The following NLRP7 variants were observed in gnomAD, a reference collection of about 807,000 sequenced individuals.
NLRP7 encodes NACHT, LRR and PYD domains-containing protein 7.
NLRP7 carries 72 observed loss-of-function variants against 85.5 expected under a neutral mutation model. That is an observed-to-expected ratio of 0.84 (90% CI 0.70 to 1.02). NLRP7 has a LOEUF of 1.02. NLRP7 is among the 50% of genes least tolerant of loss of function. The pLI, the probability that NLRP7 is intolerant of heterozygous loss-of-function variation, is 0.00. For synonymous variants in NLRP7, 550 were observed against 505.2 expected (o/e 1.09, Z -1.19); for missense variants, 1,243 against 1,219.5 (o/e 1.02, Z -0.29).
rs8106278 is a variant in NLRP7, at chr19:54,940,682, G to C, written c.353-216C>G. Among the ~76,000 whole-genome samples, 8,127 of 151,884 alleles carry C rather than the reference G, an allele frequency of 0.054. 337 individuals are homozygous for C. The highest frequency in any genetic ancestry group is 0.11 in the African/African-American group (4,657 of 41,396). ...TCTCTACTAAAAATACAAAACATTA[G>C]CTGGGGGTAGTGGCGGCCGCCTGTA... On this transcript the variant is annotated intron_variant, in intron 3 of 9. Coordinates refer to ENST00000340844, the Ensembl canonical transcript of NLRP7.
exon 4 of NLRP7, chr19:54,939,618 G>A (rs759172146): frequency 1.2e-6 from 2 of 1,610,874 alleles, no homozygotes; most frequent in South Asian, 1.1e-5. Flanking sequence ...TGCGGGAACC[G>A]GCTGCAGAGG....
chr19:54,933,797 G>A, intron 7 of NLRP7, 58 bp from the exon 8 acceptor site: 1 of 1,427,948 alleles, frequency 7.0e-7, no homozygotes, highest in East Asian at 2.3e-5. Flanking sequence ...ACTCCAACCT[G>A]CTCAGTGATG....
intron 9 of NLRP7, among the ~76,000 whole-genome samples, chr19:54,925,091 A>G (rs1392796892): frequency 2.0e-5 from 3 of 152,124 alleles, no homozygotes; most frequent in South Asian, 4.1e-4. Flanking sequence ...GTGATTGTGG[A>G]GACACTGGCT....
upstream of NLRP7, chr19:54,947,827 C>A (rs1351417348): frequency 6.6e-6 from 2 of 303,596 alleles, no homozygotes; most frequent in African/African-American, 2.2e-5. Flanking sequence ...TTGCAGGGTA[C>A]CTGGCTCCCA....
intron 8 of NLRP7, among the ~76,000 whole-genome samples, chr19:54,932,814 C>G (rs1052008446): frequency 6.6e-6 from 1 of 152,020 alleles, no homozygotes; most frequent in Non-Finnish European, 1.5e-5. Flanking sequence ...CACCACCAAG[C>G]CTGGTTAATT....
chr19:54,936,569 C>A, intron 5 of NLRP7, 138 bp from the exon 6 acceptor site: 1 of 770,360 alleles, frequency 1.3e-6, no homozygotes, highest in Non-Finnish European at 2.2e-6. Flanking sequence ...TGTCTGTAAC[C>A]CCAGCACTTT....
intron 1 of NLRP7, among the ~76,000 whole-genome samples, chr19:54,942,841 G>A (rs1404550708): frequency 6.6e-6 from 1 of 151,860 alleles, no homozygotes; most frequent in Non-Finnish European, 1.5e-5. Flanking sequence ...ATAGCAAGAG[G>A]ACAGATATAA....
chr19:54,934,074 G>T lies in NLRP7; in HGVS notation c.2472-335C>A, dbSNP rs1294252082. Among the ~76,000 whole-genome samples the T allele has an allele frequency of 6.6e-6, 1 of 152,126 alleles. No individual in the cohort carries two copies. The highest frequency in any genetic ancestry group is 1.5e-5 in the Non-Finnish European group (1 of 68,022). ...TTCTGCTGACTCAGCCTCCTGAGTA[G>T]CTGGGACTACAGGCGCCCACCACAC... On this transcript the variant is annotated intron_variant, in intron 7 of 9. Coordinates refer to ENST00000340844, the Ensembl canonical transcript of NLRP7. The surrounding 1 kb of genome is among the most constrained non-coding windows in gnomAD (Gnocchi z 6.7).
At chr19:54,960,424 G>A (rs2070002091) in intron 1 of NLRP7, among the ~76,000 whole-genome samples, 1 of 151,528 alleles carries the variant, frequency 6.6e-6, no homozygotes, top group African/African-American at 2.4e-5. Flanking sequence ...CCAAAGTGCT[G>A]GGATTACAGC....
Position 54,934,651 on chromosome 19 carries a change from C to G in NLRP7, c.2309G>C (p.Gly770Ala), listed in dbSNP as rs1227328248. The change falls in exon 7 of 10, where the codon GGT becomes GCT. Residue 770 changes from glycine (G) to alanine (A), a missense_variant. By Grantham distance (60) the Gly-to-Ala change is moderately conservative. Coordinates refer to ENST00000340844, the Ensembl canonical transcript of NLRP7. This position sits in a 1 kb window ranked among gnomAD's most constrained non-coding sequence, Gnocchi z 6.7. ...CCACTGCTCCGGGGTGGCACAGTGA[C>G]CTCCCAACCTGTGAAAAGAGTGGGA... The G allele has an allele frequency of 6.2e-7, 1 of 1,613,080 alleles. No homozygotes were observed. Among genetic ancestry groups the G allele is most frequent in the Admixed American group, 1.7e-5 (1 of 59,938 alleles).
chr19:54,957,575 C>T (rs566392959), intron 1 of NLRP7, among the ~76,000 whole-genome samples: 1 of 152,018 alleles, frequency 6.6e-6, no homozygotes, highest in Non-Finnish European at 1.5e-5. Flanking sequence ...AAACTCCTGA[C>T]CTCAGGTGAT....
intron 4 of NLRP7, among the ~76,000 whole-genome samples, chr19:54,938,599 G>A (rs1042820852): frequency 8.5e-5 from 13 of 152,112 alleles, no homozygotes; most frequent in Non-Finnish European, 1.3e-4. Context: ...GGTGGTGCAC[G>A]CCCATAGTCC....
chr19:54,964,219 T>G (rs1272936331), intron 1 of NLRP7, among the ~76,000 whole-genome samples: 6 of 130,514 alleles, frequency 4.6e-5, no homozygotes, highest in South Asian at 5.4e-4. Context: ...GTGTTTTTTT[T>G]TTTTTTTTTT....
At chr19:54,943,063 C>A (rs1289874460) in intron 1 of NLRP7, among the ~76,000 whole-genome samples, 1 of 151,938 alleles carries the variant, frequency 6.6e-6, no homozygotes, top group Admixed American at 6.6e-5. Flanking sequence ...AGGAGAATCG[C>A]TTGAACCCAG....
At chr19:54,924,151 A>G (rs2068337221) in intron 9 of NLRP7, among the ~76,000 whole-genome samples, 1 of 152,174 alleles carries the variant, frequency 6.6e-6, no homozygotes, top group Non-Finnish European at 1.5e-5. Context: ...TATTTACAGT[A>G]GAGATGGGGT....
At position 54,929,957 on chromosome 19, in the gene NLRP7, C is replaced by CA. The variant is rs568353615; in HGVS notation, c.2810+541dup. Among the ~76,000 whole-genome samples the CA allele has an allele frequency of 4.5e-4, 67 of 150,314 alleles. No homozygotes were observed. The South Asian group carries it at 0.014, about 30-fold the overall frequency. On this transcript the variant is annotated intron_variant, in intron 9 of 9. Coordinates refer to ENST00000340844, the Ensembl canonical transcript of NLRP7. ...GTGAAACCCATCTCTACTAAAAATA[C>CA]AAAAAAAATTAGCCAGGCACGGTGG...
chr19:54,928,028 G>C (rs1448131902), intron 9 of NLRP7, among the ~76,000 whole-genome samples: 1 of 152,088 alleles, frequency 6.6e-6, no homozygotes, highest in East Asian at 1.9e-4. Context: ...AGGAGTTCGA[G>C]ACCAGCCAGG....
exon 4 of NLRP7, chr19:54,939,277 G>A (rs371851565): frequency 8.1e-6 from 13 of 1,613,980 alleles, no homozygotes; most frequent in African/African-American, 2.7e-5. Flanking sequence ...CTTGAATCAG[G>A]TCGGGGTTCT....
intron 1 of NLRP7, among the ~76,000 whole-genome samples, chr19:54,959,299 C>CG (rs2064911708): frequency 6.6e-6 from 1 of 150,544 alleles, no homozygotes; most frequent in African/African-American, 2.4e-5. Flanking sequence ...CCACCATGCC[C>CG]GGCTAATTTT....
Sources: gnomAD v4.1 joint callset for allele counts (sites outside exome capture counted in the v4.1 genomes callset) on GRCh38, gnomAD v4.1.1 for gene constraint, Gnocchi (gnomAD v3.1) non-coding constraint, MANE v1.5 for transcripts, NCBI Gene and HGNC (gene_info 2026-07-23, HGNC 2026-07-21) for gene names.